OGFOD1: variants seen among roughly 807,000 people sequenced by gnomAD.
OGFOD1 encodes 2-oxoglutarate and iron dependent oxygenase domain containing 1.
OGFOD1 carries 54 observed loss-of-function variants against 67.7 expected under a neutral mutation model. The observed-to-expected ratio is 0.80, with a 90% CI of 0.64 to 1.00. The LOEUF (loss-of-function observed/expected upper bound fraction) is 1.00, where lower values mean the gene tolerates loss of function less well. OGFOD1 is among the 50% of genes least tolerant of loss of function. The pLI, the probability that OGFOD1 is intolerant of heterozygous loss-of-function variation, is 0.00. For missense variants in OGFOD1, 606 were observed against 646.7 expected (o/e 0.94, Z 0.68); for synonymous variants, 221 against 227.0 (o/e 0.97, Z 0.24).
intron 4 of OGFOD1, among the ~76,000 whole-genome samples, chr16:56,463,085 CCTT>C (rs1962769632): frequency 2.0e-5 from 3 of 152,196 alleles, no homozygotes; most frequent in South Asian, 2.1e-4. Flanking sequence ...GCCTTCTTCA[CCTT>C]CTCCCTGCTC....
Position 56,451,651 on chromosome 16 carries a change from G to A in OGFOD1, c.39G>A (p.Arg13=). 1 of 1,613,996 alleles carries A rather than the reference G, an allele frequency of 6.2e-7. No individual in the cohort carries two copies. The highest frequency in any genetic ancestry group is 1.1e-5 in the South Asian group (1 of 91,084). ...GGCCAGCGGAGCCCGGCCCAGCCCG[G>A]GTGGGAAAAAAGGGAAAGAAGGAGG... ...GKRPAEPGPA[R]VGKKGKKEVM... The change falls in exon 1 of 13, where the codon CGG becomes CGA. Residue 13 remains arginine, a synonymous_variant. Coordinates refer to ENST00000566157, the MANE Select transcript of OGFOD1 (RefSeq NM_018233.4).
At chr16:56,454,758 T>C (rs1268053168) in intron 2 of OGFOD1, 1 of 441,594 alleles carries the variant, frequency 2.3e-6, no homozygotes, top group Admixed American at 2.5e-5. Context: ...TTCTCTCTCT[T>C]ATTCTTTTAC....
intron 12 of OGFOD1, 35 bp downstream of exon 12, chr16:56,475,600 GTTA>G: frequency 6.3e-7 from 1 of 1,590,478 alleles, no homozygotes. Context: ...ATCATTTTTA[GTTA>G]TTGAGAATGC....
At position 56,466,743 on chromosome 16, in the gene OGFOD1, T is replaced by G. The variant is rs1329834158; in HGVS notation, c.566-133T>G. 5.6e-5 allele frequency: 39 copies of G among 701,108 alleles called. 1 individual carries two copies. The highest frequency in any genetic ancestry group is 5.4e-4 in the Middle Eastern group (2 of 3,706). The allele number at this position is 701,108 out of a possible 1,614,324, so 43.4% of individuals were successfully genotyped here. ...AACTCGCAAGTATGAGTGAAGCAGA[T>G]GGAAAGGGCGGTATTTCAGGGTCTG... On this transcript the variant is annotated intron_variant, in intron 5 of 12. Coordinates refer to ENST00000566157, the MANE Select transcript of OGFOD1 (RefSeq NM_018233.4).
At chr16:56,475,381 T>C (rs978040703) in intron 11 of OGFOD1, 126 bp from the exon 12 acceptor site, 2 of 856,422 alleles carry the variant, frequency 2.3e-6, no homozygotes, top group Admixed American at 3.9e-5. Context: ...TCATAAGTCA[T>C]AGAACCAGTT....
In OGFOD1 at chr16:56,451,832, G is replaced by A. The variant is rs544506860; in HGVS notation, c.154+66G>A. On this transcript the variant is annotated intron_variant, in intron 1 of 12. Transcript: ENST00000566157. ...CTAGGGATCTCTGAAAAAGCCCTGG[G>A]ACTCGCGCCCAGCCTTGGGCAGCGG... The A allele has an allele frequency of 1.8e-5, 28 of 1,561,434 alleles. No homozygotes were observed. The African/African-American group carries it at 3.1e-4, about 18-fold the overall frequency.
Position 56,476,132 on chromosome 16 carries a change from G to A in OGFOD1, c.1556G>A (p.Arg519Gln), listed in dbSNP as rs149156581. The A allele has an allele frequency of 5.1e-5, 82 of 1,613,738 alleles. No homozygotes were observed. The African/African-American group carries it at 6.5e-4, about 13-fold the overall frequency. The change falls in exon 13 of 13, where the codon CGA (arginine) becomes CAA (glutamine). Residue 519 changes from arginine to glutamine, a missense_variant. Physicochemically the swap from Arg to Gln is conservative, Grantham distance 43. Transcript: ENST00000566157. ...AAATTTGTCAAGCATATTAACCACC[G>A]AAGCCTGGAACAAAAGAAAACCTTC... Reference protein sequence around the residue: ...TLKFVKHINHRSLEQKKTFPN... With the variant: ...TLKFVKHINHQSLEQKKTFPN...
chr16:56,471,020 T>G (rs2144035351), intron 10 of OGFOD1, among the ~76,000 whole-genome samples: 1 of 152,148 alleles, frequency 6.6e-6, no homozygotes, highest in East Asian at 1.9e-4. Flanking sequence ...TAATGATAAG[T>G]GCTATGCAAA....
Position 56,459,775 on chromosome 16 carries a change from T to G in OGFOD1, c.347+1181T>G, listed in dbSNP as rs546734835. Among the ~76,000 whole-genome samples, 6 of 152,358 alleles carry G rather than the reference T, an allele frequency of 3.9e-5. No homozygotes were observed. In the South Asian group the frequency reaches 1.2e-3, roughly 32 times the overall value. ...TGACCAATGGATTCACATCACGTGA[T>G]CTTATTTTAAAAAGAGATACACACA... On this transcript the variant is annotated intron_variant, in intron 3 of 12. Transcript: ENST00000566157.
rs1361213682 is a variant in OGFOD1, at chr16:56,451,599, T to C, written c.-14T>C. The stretch of plus-strand genomic sequence containing the variant: ...TCTTGATCTGCGTGGCGTGGTTCTG[T>C]GCCTTGGGAAGAGATGAATGGGAAG... On this transcript the variant is annotated 5_prime_UTR_variant, in exon 1 of 13. Coordinates refer to ENST00000566157, the MANE Select transcript of OGFOD1 (RefSeq NM_018233.4). 1 of 1,612,914 alleles carries C rather than the reference T, an allele frequency of 6.2e-7. No individual in the cohort carries two copies. The highest frequency in any genetic ancestry group is 8.5e-7 in the Non-Finnish European group (1 of 1,179,902).
intron 5 of OGFOD1, 27 bp downstream of exon 5, chr16:56,466,295 T>C (rs545947559): frequency 1.4e-6 from 2 of 1,413,688 alleles, no homozygotes; most frequent in African/African-American, 2.8e-5. Context: ...TGCATGCACT[T>C]CACCACCAGT....
chr16:56,466,292 A>G, intron 5 of OGFOD1, 24 bp downstream of exon 5: 1 of 1,456,510 alleles, frequency 6.9e-7, no homozygotes, highest in South Asian at 1.1e-5. Context: ...AAGTGCATGC[A>G]CTTCACCACC....
intron 7 of OGFOD1, among the ~76,000 whole-genome samples, chr16:56,467,585 C>T (rs1164703640): frequency 6.6e-6 from 1 of 151,998 alleles, no homozygotes; most frequent in Non-Finnish European, 1.5e-5. Context: ...CACCACCACG[C>T]CTGGCTAATT....
chr16:56,457,929 C>T (rs531132542), intron 2 of OGFOD1, among the ~76,000 whole-genome samples: 3 of 152,270 alleles, frequency 2.0e-5, no homozygotes, highest in South Asian at 2.1e-4. Flanking sequence ...CTGCCCGCCT[C>T]GGCCTCCCAA....
At chr16:56,452,643 G>A (rs1318976830) in intron 1 of OGFOD1, among the ~76,000 whole-genome samples, 2 of 152,126 alleles carry the variant, frequency 1.3e-5, no homozygotes, top group East Asian at 1.9e-4. Flanking sequence ...TGTAGAATGG[G>A]GAGAGTGATA....
At chr16:56,464,942 C>G (rs1429431615) in intron 4 of OGFOD1, among the ~76,000 whole-genome samples, 2 of 151,738 alleles carry the variant, frequency 1.3e-5, no homozygotes, top group Admixed American at 1.3e-4. Flanking sequence ...TGGTGAATAT[C>G]TGTATACATG....
intron 2 of OGFOD1, among the ~76,000 whole-genome samples, chr16:56,456,525 G>A (rs1275332798): frequency 1.3e-5 from 2 of 152,190 alleles, no homozygotes; most frequent in African/African-American, 4.8e-5. Flanking sequence ...CAAAAAGGAG[G>A]TCATCCTTGA....
intron 10 of OGFOD1, among the ~76,000 whole-genome samples, chr16:56,471,009 G>A (rs1322638827): frequency 6.6e-6 from 1 of 152,080 alleles, no homozygotes; most frequent in Non-Finnish European, 1.5e-5. Context: ...AAAACGTCAA[G>A]TAATGATAAG....
intron 3 of OGFOD1, among the ~76,000 whole-genome samples, chr16:56,461,348 A>AGGGTGGTG (rs1466883890): frequency 1.3e-5 from 2 of 152,174 alleles, no homozygotes; most frequent in Admixed American, 1.3e-4. Flanking sequence ...AAGTGCTGGG[A>AGGGTGGTG]GGGTGGTGTA....
Sources: allele counts gnomAD v4.1 joint callset (sites outside exome capture counted in the v4.1 genomes callset), GRCh38; gene constraint gnomAD v4.1.1; transcripts MANE v1.5; gene names NCBI Gene and HGNC (gene_info 2026-07-23, HGNC 2026-07-21).